The following EPHB2 variants were observed in gnomAD, a reference collection of about 807,000 sequenced individuals.
EPHB2 encodes the protein ephrin type-B receptor 2.
A neutral mutation model predicts 96.4 loss-of-function variants in EPHB2; 18 were observed. The observed-to-expected ratio is 0.19, with a 90% CI of 0.13 to 0.28. The LOEUF (loss-of-function observed/expected upper bound fraction) is 0.28, where lower values mean the gene tolerates loss of function less well. Ranked by LOEUF, EPHB2 falls within the 10% of genes least tolerant of loss-of-function variation. The pLI is 1.00. For synonymous variants in EPHB2, 506 were observed against 534.1 expected (o/e 0.95, Z 0.72); for missense variants, 989 against 1,355.4 (o/e 0.73, Z 4.25).
At chr1:22,814,348 CAG>C in intron 3 of EPHB2, among the ~76,000 whole-genome samples, 1 of 152,092 alleles carries the variant, frequency 6.6e-6, no homozygotes, top group East Asian at 1.9e-4. Context: ...CATTGCAGCT[CAG>C]GGTGATGACT....
chr1:22,772,452 T>A (rs1025508464), intron 1 of EPHB2, among the ~76,000 whole-genome samples: 2 of 152,218 alleles, frequency 1.3e-5, no homozygotes, highest in Non-Finnish European at 2.9e-5. Context: ...ATTAGCTGGG[T>A]TCTCTTTCCT....
At chr1:22,799,870 C>T (rs1644817633) in intron 3 of EPHB2, among the ~76,000 whole-genome samples, 2 of 152,204 alleles carry the variant, frequency 1.3e-5, no homozygotes, top group African/African-American at 2.4e-5. Flanking sequence ...GCAGGCCTGA[C>T]CTGGGACCTG....
chr1:22,806,702 A>T (rs1644932039), intron 3 of EPHB2, among the ~76,000 whole-genome samples: 1 of 152,234 alleles, frequency 6.6e-6, no homozygotes, highest in East Asian at 1.9e-4. Flanking sequence ...GACAAAGCCG[A>T]GGGCGCGCCT....
intron 3 of EPHB2, among the ~76,000 whole-genome samples, chr1:22,842,347 C>T (rs1173636634): frequency 6.6e-6 from 1 of 152,198 alleles, no homozygotes; most frequent in Non-Finnish European, 1.5e-5. Flanking sequence ...TCTCACTCGT[C>T]ACTACCTCGC....
intron 5 of EPHB2, among the ~76,000 whole-genome samples, chr1:22,877,970 T>G (rs1355248250): frequency 6.6e-6 from 1 of 152,260 alleles, no homozygotes; most frequent in East Asian, 1.9e-4. Flanking sequence ...GTTATCCTTA[T>G]GCCCATTCAA....
intron 1 of EPHB2, among the ~76,000 whole-genome samples, chr1:22,735,653 G>A (rs1643811546): frequency 6.6e-6 from 1 of 152,138 alleles, no homozygotes; most frequent in African/African-American, 2.4e-5. Context: ...TGAGGGCCCT[G>A]GGTAGAGCCT....
At chr1:22,805,595 G>C (rs1297335046) in intron 3 of EPHB2, among the ~76,000 whole-genome samples, 1 of 152,162 alleles carries the variant, frequency 6.6e-6, no homozygotes, top group Non-Finnish European at 1.5e-5. Flanking sequence ...GGGGATCAGA[G>C]ACTGTGAGCA....
intron 13 of EPHB2, among the ~76,000 whole-genome samples, chr1:22,910,123 AGAAG>A (rs983281026): frequency 1.1e-4 from 16 of 152,168 alleles, no homozygotes; most frequent in African/African-American, 3.9e-4. Flanking sequence ...GACCCTGGGG[AGAAG>A]CTATCTCAGG....
At chr1:22,734,396 TA>T (rs1643780511) in intron 1 of EPHB2, among the ~76,000 whole-genome samples, 1 of 150,634 alleles carries the variant, frequency 6.6e-6, no homozygotes, top group Non-Finnish European at 1.5e-5. Context: ...ATACACTCAA[TA>T]AAGTACCACC....
intron 1 of EPHB2, among the ~76,000 whole-genome samples, chr1:22,781,148 G>A (rs1644524919): frequency 6.6e-6 from 1 of 151,858 alleles, no homozygotes; most frequent in African/African-American, 2.4e-5. Flanking sequence ...GTGAAACCCT[G>A]TCTCTACTAA....
chr1:22,805,378 G>A (rs1209598826), intron 3 of EPHB2, among the ~76,000 whole-genome samples: 1 of 152,154 alleles, frequency 6.6e-6, no homozygotes, highest in Non-Finnish European at 1.5e-5. Context: ...AGCCCAGAGT[G>A]GGCTGAGATA....
chr1:22,739,958 G>A (rs575832114), intron 1 of EPHB2, among the ~76,000 whole-genome samples: 3 of 152,364 alleles, frequency 2.0e-5, no homozygotes, highest in African/African-American at 7.2e-5. Flanking sequence ...GCTCAGACTA[G>A]GATAACTTAC....
intron 1 of EPHB2, among the ~76,000 whole-genome samples, chr1:22,771,234 G>T (rs1213326926): frequency 1.3e-5 from 2 of 152,198 alleles, no homozygotes; most frequent in African/African-American, 4.8e-5. Context: ...GTAAAAGAAA[G>T]TTGCAGGACA....
chr1:22,862,871 GT>G, intron 3 of EPHB2, among the ~76,000 whole-genome samples, 165 bp from the exon 4 acceptor site: 1 of 152,316 alleles, frequency 6.6e-6, no homozygotes, highest in East Asian at 1.9e-4. Context: ...GAACTCCCAC[GT>G]TGGGGCCTGG....
chr1:22,898,912 TAAA>T (rs1639658488), intron 9 of EPHB2, among the ~76,000 whole-genome samples: 1 of 152,140 alleles, frequency 6.6e-6, no homozygotes, highest in Admixed American at 6.5e-5. Context: ...TTCCTGGGCT[TAAA>T]AATAGTTTGG....
At chr1:22,809,719 C>G (rs1644977242) in intron 3 of EPHB2, among the ~76,000 whole-genome samples, 1 of 152,138 alleles carries the variant, frequency 6.6e-6, no homozygotes, top group African/African-American at 2.4e-5. Context: ...AACAGACCTC[C>G]CTCTTGGTCT....
chr1:22,758,536 A>G (rs1644188699), intron 1 of EPHB2, among the ~76,000 whole-genome samples: 1 of 152,108 alleles, frequency 6.6e-6, no homozygotes, highest in African/African-American at 2.4e-5. Context: ...CAGGACAGCC[A>G]CAAAGCAGGA....
intron 3 of EPHB2, among the ~76,000 whole-genome samples, chr1:22,847,521 A>C (rs942901077): frequency 2.6e-5 from 4 of 152,218 alleles, no homozygotes; most frequent in African/African-American, 9.6e-5. Flanking sequence ...TGGAGGAAAC[A>C]AAAAGGAAAC....
At chr1:22,809,333 A>G (rs1644971875) in intron 3 of EPHB2, among the ~76,000 whole-genome samples, 2 of 152,212 alleles carry the variant, frequency 1.3e-5, no homozygotes, top group Non-Finnish European at 2.9e-5. Context: ...AAGACAATTA[A>G]GTGGAGCTTA....
Sources: gnomAD v4.1 joint callset for allele counts (sites outside exome capture counted in the v4.1 genomes callset) on GRCh38, gnomAD v4.1.1 for gene constraint, MANE v1.5 for transcripts, NCBI Gene and HGNC (gene_info 2026-07-23, HGNC 2026-07-21) for gene names.